Variants in MEP1A observed in about 807,000 individuals in gnomAD.
The protein encoded by MEP1A is N-benzoyl-L-tyrosyl-P-amino-benzoic acid hydrolase subunit alpha.
MEP1A carries 68 observed loss-of-function variants against 84.5 expected under a neutral mutation model. That is an observed-to-expected ratio of 0.80 (90% CI 0.66 to 0.98). The LOEUF (loss-of-function observed/expected upper bound fraction) is 0.98. Among genes scored for constraint, MEP1A ranks in the 50% least tolerant of loss-of-function variants. The pLI, the probability that MEP1A is intolerant of heterozygous loss-of-function variation, is 0.00. For synonymous variants in MEP1A, 337 were observed against 336.8 expected (o/e 1.00, Z -0.01); for missense variants, 887 against 919.9 (o/e 0.96, Z 0.46).
intron 12 of MEP1A, among the ~76,000 whole-genome samples, 168 bp downstream of exon 12, chr6:46,834,919 T>G (rs1247767678): frequency 2.6e-5 from 4 of 152,204 alleles, no homozygotes; most frequent in Non-Finnish European, 4.4e-5. Flanking sequence ...TTTATTTTAA[T>G]TGTCCTTGAA....
chr6:46,827,951 T>C (rs1187173934), intron 9 of MEP1A, among the ~76,000 whole-genome samples: 1 of 152,214 alleles, frequency 6.6e-6, no homozygotes. Context: ...TGAGCAGCTA[T>C]TATGCTTCTT....
chr6:46,813,780 A>C (rs969021061), intron 6 of MEP1A, among the ~76,000 whole-genome samples: 2 of 152,168 alleles, frequency 1.3e-5, no homozygotes, highest in African/African-American at 2.4e-5. Flanking sequence ...ATTTGTTTGA[A>C]AAAGACTGTA....
chr6:46,810,549 T>A (rs999262889), intron 6 of MEP1A, among the ~76,000 whole-genome samples: 1 of 152,188 alleles, frequency 6.6e-6, no homozygotes, highest in Non-Finnish European at 1.5e-5. Context: ...CCTACGCCAA[T>A]GTCTAGAAGG....
At chr6:46,795,741 C>T (rs184208217) in intron 3 of MEP1A, among the ~76,000 whole-genome samples, 1 of 152,178 alleles carries the variant, frequency 6.6e-6, no homozygotes, top group Admixed American at 6.5e-5. Flanking sequence ...TCCCTAAAGA[C>T]TATTCTGCAC....
intron 5 of MEP1A, among the ~76,000 whole-genome samples, chr6:46,807,787 GAAAGAAAGAA>G (rs1562107015): frequency 8.9e-6 from 1 of 112,384 alleles, no homozygotes; most frequent in Non-Finnish European, 2.0e-5. Context: ...AAGAAAGAAA[GAAAGAAAGAA>G]AGAAAGAAAG....
chr6:46,803,416 A>G (rs1767239258), intron 5 of MEP1A, among the ~76,000 whole-genome samples: 1 of 151,672 alleles, frequency 6.6e-6, no homozygotes, highest in African/African-American at 2.4e-5. Flanking sequence ...TAATGTCTGT[A>G]GAATCTTTAG....
chr6:46,807,807 GAAAGAAAGAAAGAAA>G (rs1562107076), intron 5 of MEP1A, among the ~76,000 whole-genome samples: 3 of 148,682 alleles, frequency 2.0e-5, no homozygotes, highest in African/African-American at 7.4e-5. Flanking sequence ...AAGAAAGAAA[GAAAGAAAGAAAGAAA>G]GAAAGAAAGA....
intron 5 of MEP1A, among the ~76,000 whole-genome samples, chr6:46,802,968 TA>T (rs1767227055): frequency 6.6e-6 from 1 of 151,792 alleles, no homozygotes; most frequent in Non-Finnish European, 1.5e-5. Flanking sequence ...TATAAGTTTC[TA>T]ATTTACCTTT....
chr6:46,835,547 C>A lies in MEP1A; in HGVS notation c.2082C>A (p.Cys694Ter), dbSNP rs774243525. 1.5e-5 allele frequency: 25 copies of A among 1,613,106 alleles called. No individual in the cohort carries two copies. Among genetic ancestry groups the A allele is most frequent in the Non-Finnish European group, 1.9e-5 (23 of 1,179,664 alleles). ...ICVNVKGMAS[C>*]RCISGHAFFY... ...TGAACGTGAAGGGGATGGCGAGCTG[C>A]AGGTAGGCTCTGTGGCTGGGGAGAC... Residue 694 changes from cysteine (C) to a stop codon, truncating the protein, a stop_gained and splice_region_variant, in exon 13 of 14, where the codon TGC becomes TGA. Transcript: ENST00000230588. LOFTEE classifies it high-confidence loss of function.
chr6:46,812,048 A>G (rs1362890700), intron 6 of MEP1A, among the ~76,000 whole-genome samples: 1 of 152,098 alleles, frequency 6.6e-6, no homozygotes, highest in Non-Finnish European at 1.5e-5. Context: ...TAGGATTGGT[A>G]CCAATTCTTC....
At chr6:46,809,373 T>A (rs1393119152) in intron 5 of MEP1A, 47 bp from the exon 6 acceptor site, 2 of 1,192,246 alleles carry the variant, frequency 1.7e-6, no homozygotes. Context: ...ATAGATATTA[T>A]CTAAGGTCCA....
intron 5 of MEP1A, among the ~76,000 whole-genome samples, chr6:46,806,510 T>C (rs569953836): frequency 1.3e-5 from 2 of 152,098 alleles, no homozygotes; most frequent in Non-Finnish European, 2.9e-5. Context: ...CCCCAACCCC[T>C]GTAAATTTGC....
intron 7 of MEP1A, among the ~76,000 whole-genome samples, chr6:46,823,373 A>T (rs1219182919): frequency 6.6e-6 from 1 of 152,222 alleles, no homozygotes; most frequent in Admixed American, 6.5e-5. Flanking sequence ...GCACTTTGAG[A>T]GGCCGATGCA....
intron 7 of MEP1A, among the ~76,000 whole-genome samples, chr6:46,820,944 GC>G (rs1767758328): frequency 6.6e-6 from 1 of 152,094 alleles, no homozygotes; most frequent in African/African-American, 2.4e-5. Context: ...ACAAATAATA[GC>G]CTTGTGTAGG....
chr6:46,837,895 A>AT (rs111794847), intron 13 of MEP1A, among the ~76,000 whole-genome samples: 5,052 of 143,550 alleles, frequency 0.035, 113 homozygotes, highest in African/African-American at 0.053. Context: ...CTGACTTCTT[A>AT]TTTTTTTTTT....
intron 5 of MEP1A, among the ~76,000 whole-genome samples, chr6:46,806,489 T>C (rs1199048386): frequency 3.9e-5 from 6 of 152,020 alleles, no homozygotes; most frequent in African/African-American, 1.2e-4. Context: ...TTCAATGGAA[T>C]GCCCGAGTTT....
rs9472881 is a variant in MEP1A, at chr6:46,825,623, G to A, written c.778+130G>A. ...AGCTAAAAGAATAAGAACAAACTGC[G>A]TAACTTTTGTTGGTCTACCTCTAGA... is the stretch of plus-strand genomic sequence containing the variant. On this transcript the variant is annotated intron_variant, in intron 8 of 13. Coordinates refer to ENST00000230588, the MANE Select transcript of MEP1A (RefSeq NM_005588.3). 3,395 of 687,510 alleles carry A rather than the reference G, an allele frequency of 4.9e-3. 69 individuals carry two copies. Among genetic ancestry groups the A allele is most frequent in the African/African-American group, 0.049 (2,696 of 55,162 alleles). 42.6% of individuals were successfully genotyped at this position (687,510 alleles called of 1,614,324 possible). A position where few individuals can be genotyped will look rare whatever the true frequency, so the allele number is the denominator to read the frequency against.
chr6:46,824,993 T>C (rs1232461868), intron 7 of MEP1A, among the ~76,000 whole-genome samples: 2 of 124,834 alleles, frequency 1.6e-5, no homozygotes, highest in African/African-American at 3.1e-5. Context: ...TATATTTAAA[T>C]AGATCTATTT....
chr6:46,805,350 T>G (rs1249100551), intron 5 of MEP1A, among the ~76,000 whole-genome samples: 1 of 151,928 alleles, frequency 6.6e-6, no homozygotes, highest in Non-Finnish European at 1.5e-5. Flanking sequence ...GCCATTCTGT[T>G]GGGCATCTAG....
Sources: gnomAD v4.1 joint callset for allele counts (sites outside exome capture counted in the v4.1 genomes callset) on GRCh38, gnomAD v4.1.1 for gene constraint, MANE v1.5 for transcripts, NCBI Gene and HGNC (gene_info 2026-07-23, HGNC 2026-07-21) for gene names.